Variants in OSBPL6 observed in about 807,000 individuals in gnomAD.
OSBPL6 encodes oxysterol-binding protein-related protein 6.
OSBPL6 carries 49 observed loss-of-function variants against 125.8 expected under a neutral mutation model. That is an observed-to-expected ratio of 0.39 (90% CI 0.31 to 0.49). The LOEUF (loss-of-function observed/expected upper bound fraction) is 0.49. OSBPL6 is among the 20% of genes least tolerant of loss of function. The pLI is 0.88. For synonymous variants in OSBPL6, 394 were observed against 391.8 expected (o/e 1.01, Z -0.07); for missense variants, 986 against 1,135.4 (o/e 0.87, Z 1.89).
intron 1 of OSBPL6, among the ~76,000 whole-genome samples, chr2:178,210,479 A>G (rs2089795853): frequency 6.6e-6 from 1 of 152,104 alleles, no homozygotes; most frequent in South Asian, 2.1e-4. Context: ...AGGTAAATGT[A>G]GATACATTAT....
At chr2:178,330,108 A>G (rs1349529247) in intron 5 of OSBPL6, among the ~76,000 whole-genome samples, 2 of 151,940 alleles carry the variant, frequency 1.3e-5, no homozygotes, top group African/African-American at 4.8e-5. Context: ...TCCTACAATC[A>G]CTGTTGCCTT....
At position 178,395,693 on chromosome 2, in the gene OSBPL6, T is replaced by A. The variant is rs1430804617; in HGVS notation, c.*134T>A. ...CCATTTGCTTTTCTATTCATCTTTA[T>A]AATGGACTTTCAGAAGTGCATTAGA... is the stretch of plus-strand genomic sequence containing the variant. On this transcript the variant is annotated 3_prime_UTR_variant, in exon 25 of 25. Transcript: ENST00000190611. The A allele has an allele frequency of 1.5e-6, 1 of 652,600 alleles. No homozygotes were observed. Among genetic ancestry groups the A allele is most frequent in the South Asian group, 1.7e-5 (1 of 60,046 alleles). 40.4% of individuals were successfully genotyped at this position (652,600 alleles called of 1,614,324 possible). A position where few individuals can be genotyped will look rare whatever the true frequency, so the allele number is the denominator to read the frequency against.
At chr2:178,301,001 A>C (rs13400323) in intron 2 of OSBPL6, among the ~76,000 whole-genome samples, 3,053 of 152,228 alleles carry the variant, frequency 0.02, 99 homozygotes, top group African/African-American at 0.07. Flanking sequence ...ATGATATGGC[A>C]GGGGTAAGAT....
intron 1 of OSBPL6, among the ~76,000 whole-genome samples, chr2:178,283,778 A>C (rs1684442247): frequency 6.6e-6 from 1 of 152,188 alleles, no homozygotes; most frequent in Non-Finnish European, 1.5e-5. Context: ...GTGGCAGAAG[A>C]TGAAGGAGAG....
chr2:178,310,728 C>A (rs1350376772), intron 3 of OSBPL6, among the ~76,000 whole-genome samples: 2 of 152,152 alleles, frequency 1.3e-5, no homozygotes, highest in Non-Finnish European at 2.9e-5. Flanking sequence ...CAAAACTGAA[C>A]TCTTAATTGC....
intron 23 of OSBPL6, 70 bp from the exon 24 acceptor site, chr2:178,394,243 G>A (rs918733407): frequency 3.8e-6 from 6 of 1,562,468 alleles, no homozygotes; most frequent in Non-Finnish European, 5.2e-6. Flanking sequence ...AAACAATTTT[G>A]TGCAAATGAG....
chr2:178,329,575 C>T (rs901743213), intron 5 of OSBPL6, among the ~76,000 whole-genome samples: 5 of 151,960 alleles, frequency 3.3e-5, no homozygotes, highest in Non-Finnish European at 4.4e-5. Flanking sequence ...CACGCCACCA[C>T]GCTTGGCTAA....
chr2:178,288,684 T>C (rs1684945490), intron 2 of OSBPL6, among the ~76,000 whole-genome samples: 1 of 151,920 alleles, frequency 6.6e-6, no homozygotes, highest in Non-Finnish European at 1.5e-5. Context: ...GTTTCGCTCT[T>C]GTTGCCTAGG....
At chr2:178,217,481 C>T (rs1421070308) in intron 1 of OSBPL6, among the ~76,000 whole-genome samples, 1 of 152,100 alleles carries the variant, frequency 6.6e-6, no homozygotes, top group Non-Finnish European at 1.5e-5. Context: ...AGCACACAGA[C>T]ACACACGAGT....
chr2:178,220,461 C>G (rs987103316), intron 1 of OSBPL6, among the ~76,000 whole-genome samples: 1 of 151,958 alleles, frequency 6.6e-6, no homozygotes. Context: ...CATGGCTGGG[C>G]CTTTTTTTAA....
intron 2 of OSBPL6, among the ~76,000 whole-genome samples, chr2:178,302,505 C>T (rs1258912806): frequency 6.6e-6 from 1 of 152,016 alleles, no homozygotes; most frequent in African/African-American, 2.4e-5. Context: ...AGCAGGTGGT[C>T]AAACACTTGA....
chr2:178,292,104 C>A (rs1419855606), intron 2 of OSBPL6, among the ~76,000 whole-genome samples: 2 of 151,922 alleles, frequency 1.3e-5, no homozygotes, highest in Non-Finnish European at 2.9e-5. Flanking sequence ...CTCCTCCCAT[C>A]CCCCACCCTC....
At chr2:178,198,661 A>C (rs1317274929) in intron 1 of OSBPL6, among the ~76,000 whole-genome samples, 2 of 151,906 alleles carry the variant, frequency 1.3e-5, no homozygotes, top group Non-Finnish European at 1.5e-5. Flanking sequence ...TAAATAAGAG[A>C]ACTGCGGCAC....
At chr2:178,288,550 A>G (rs529015793) in intron 2 of OSBPL6, among the ~76,000 whole-genome samples, 1 of 152,186 alleles carries the variant, frequency 6.6e-6, no homozygotes, top group Non-Finnish European at 1.5e-5. Flanking sequence ...CAGTAAAAGT[A>G]TGTATAACTG....
chr2:178,291,106 TG>T (rs1409728270), intron 2 of OSBPL6, among the ~76,000 whole-genome samples: 10 of 128,572 alleles, frequency 7.8e-5, no homozygotes, highest in African/African-American at 1.8e-4. Flanking sequence ...AACTATGAGG[TG>T]TTTTTTTTTT....
chr2:178,224,895 A>C (rs140160752), intron 1 of OSBPL6, among the ~76,000 whole-genome samples: 2 of 152,164 alleles, frequency 1.3e-5, no homozygotes, highest in Admixed American at 6.5e-5. Flanking sequence ...AGATTGTACC[A>C]CTGCACTCCA....
intron 14 of OSBPL6, among the ~76,000 whole-genome samples, 154 bp from the exon 15 acceptor site, chr2:178,373,736 A>G (rs1693619380): frequency 6.6e-6 from 1 of 152,250 alleles, no homozygotes; most frequent in Non-Finnish European, 1.5e-5. Flanking sequence ...AAGGAAACTT[A>G]TACAGTGATC....
intron 4 of OSBPL6, among the ~76,000 whole-genome samples, chr2:178,326,148 A>G (rs920069853): frequency 1.3e-4 from 19 of 150,162 alleles, no homozygotes; most frequent in Non-Finnish European, 2.4e-4. Flanking sequence ...TGTCCTGATC[A>G]GGATTTGTTC....
At chr2:178,336,501 C>A in intron 9 of OSBPL6, 68 bp downstream of exon 9, 1 of 1,553,074 alleles carries the variant, frequency 6.4e-7, no homozygotes, top group South Asian at 1.2e-5. Context: ...CCGAAGAGGT[C>A]AATTATGAGT....
Sources: allele counts gnomAD v4.1 joint callset (sites outside exome capture counted in the v4.1 genomes callset), GRCh38; gene constraint gnomAD v4.1.1; transcripts MANE v1.5; gene names NCBI Gene and HGNC (gene_info 2026-07-23, HGNC 2026-07-21).